DYM: variants seen among roughly 807,000 people sequenced by gnomAD.
DYM encodes dyggve-Melchior-Clausen syndrome protein.
Under a neutral mutation model 93.1 loss-of-function variants are expected in DYM, and 78 were observed. That is an observed-to-expected ratio of 0.84 (90% CI 0.70 to 1.01). The LOEUF is 1.01. Ranked by LOEUF, DYM falls within the 50% of genes least tolerant of loss-of-function variation. The pLI is 0.00. For synonymous variants in DYM, 321 were observed against 319.7 expected (o/e 1.00, Z -0.04); for missense variants, 789 against 845.0 (o/e 0.93, Z 0.82).
At position 49,274,425 on chromosome 18, in the gene DYM, T is replaced by C. The variant is rs187794374; in HGVS notation, c.1126-2122A>G. 3.4e-4 allele frequency among the ~76,000 whole-genome samples: 52 copies of C among 152,286 alleles called. 1 individual carries two copies. The highest frequency in any genetic ancestry group is 1.2e-3 in the African/African-American group (51 of 41,572). On this transcript the variant is annotated intron_variant, in intron 10 of 17. Transcript: ENST00000675505. ...AGCATTTGAACTGTTTCCACTTTTT[T>C]GCTATTATGAACAATGCTTCTATAA... is the stretch of plus-strand genomic sequence containing the variant.
chr18:49,402,334 A>G (rs1277406713), intron 2 of DYM, among the ~76,000 whole-genome samples: 1 of 152,200 alleles, frequency 6.6e-6, no homozygotes, highest in Admixed American at 6.5e-5. Flanking sequence ...AACATTAACA[A>G]AACTCTTAGA....
intron 13 of DYM, among the ~76,000 whole-genome samples, chr18:49,241,189 A>T (rs1293193879): frequency 6.6e-6 from 1 of 152,238 alleles, no homozygotes; most frequent in African/African-American, 2.4e-5. Flanking sequence ...GACTGCACAG[A>T]AACTTTATAT....
intron 14 of DYM, among the ~76,000 whole-genome samples, chr18:49,168,886 G>A (rs918406662): frequency 1.3e-5 from 2 of 152,086 alleles, no homozygotes; most frequent in Non-Finnish European, 2.9e-5. Context: ...TCAGAAGGGG[G>A]AAAGTGTTTA....
intron 10 of DYM, among the ~76,000 whole-genome samples, chr18:49,277,809 G>A (rs2094881379): frequency 6.6e-6 from 1 of 152,214 alleles, no homozygotes; most frequent in Non-Finnish European, 1.5e-5. Context: ...GTTTGTTAAA[G>A]CAGTCAGGCC....
intron 8 of DYM, among the ~76,000 whole-genome samples, chr18:49,288,972 C>A (rs935575998): frequency 1.3e-5 from 2 of 151,980 alleles, no homozygotes; most frequent in African/African-American, 4.8e-5. Flanking sequence ...GGGAAGTATA[C>A]AACCATTCAC....
intron 14 of DYM, among the ~76,000 whole-genome samples, chr18:49,170,582 C>A (rs1348958610): frequency 6.6e-6 from 1 of 151,690 alleles, no homozygotes; most frequent in South Asian, 2.1e-4. Flanking sequence ...GAATTTCAGA[C>A]CAGCCTGACC....
At chr18:49,301,894 T>C (rs917706239) in intron 8 of DYM, among the ~76,000 whole-genome samples, 3 of 152,198 alleles carry the variant, frequency 2.0e-5, no homozygotes, top group South Asian at 4.1e-4. Flanking sequence ...AGTGCAGCCC[T>C]GCCATGCAAC....
chr18:49,191,283 C>T (rs1335275023), intron 14 of DYM, among the ~76,000 whole-genome samples: 2 of 152,118 alleles, frequency 1.3e-5, no homozygotes, highest in African/African-American at 2.4e-5. Context: ...GTAAATTATA[C>T]TCAGTTGGTA....
chr18:49,320,261 T>C (rs1050463322), intron 8 of DYM, among the ~76,000 whole-genome samples: 5 of 152,140 alleles, frequency 3.3e-5, no homozygotes, highest in Non-Finnish European at 7.3e-5. Context: ...CCTCCAACAC[T>C]TATTATGAAA....
intron 14 of DYM, among the ~76,000 whole-genome samples, chr18:49,200,562 G>C (rs1033190043): frequency 6.6e-6 from 1 of 151,502 alleles, no homozygotes; most frequent in African/African-American, 2.4e-5. Flanking sequence ...ATTCCATTGA[G>C]TTGATAGGAT....
chr18:49,109,209 T>C (rs2081168264), intron 16 of DYM, among the ~76,000 whole-genome samples: 1 of 148,434 alleles, frequency 6.7e-6, no homozygotes, highest in Non-Finnish European at 1.5e-5. Flanking sequence ...TGCATTTGAT[T>C]TAATTATTGG....
intron 15 of DYM, among the ~76,000 whole-genome samples, chr18:49,142,015 G>C (rs370959887): frequency 1.3e-3 from 195 of 150,256 alleles, no homozygotes; most frequent in African/African-American, 4.7e-3. Context: ...CACCACGCCC[G>C]GCTAATTTTT....
chr18:49,102,798 C>T (rs2080316125), intron 16 of DYM, among the ~76,000 whole-genome samples: 1 of 152,198 alleles, frequency 6.6e-6, no homozygotes. Context: ...GCCACATTTT[C>T]TTAATCCAGT....
chr18:49,203,979 C>T (rs573985087), intron 14 of DYM, among the ~76,000 whole-genome samples: 1 of 140,650 alleles, frequency 7.1e-6, no homozygotes, highest in Admixed American at 7.2e-5. Context: ...CTTCCATTTG[C>T]TTCTTTAAGC....
At chr18:49,141,720 A>C (rs1247589241) in intron 15 of DYM, among the ~76,000 whole-genome samples, 1 of 152,122 alleles carries the variant, frequency 6.6e-6, no homozygotes, top group Non-Finnish European at 1.5e-5. Context: ...CTGTTATTTT[A>C]GCTCCATTTT....
chr18:49,163,412 C>G (rs1404962491), intron 15 of DYM, among the ~76,000 whole-genome samples: 1 of 152,150 alleles, frequency 6.6e-6, no homozygotes, highest in Non-Finnish European at 1.5e-5. Context: ...GGGGCATGAT[C>G]TCAGCTCACT....
chr18:49,066,462 T>C (rs2076395592), intron 17 of DYM, among the ~76,000 whole-genome samples: 2 of 152,232 alleles, frequency 1.3e-5, no homozygotes, highest in South Asian at 4.1e-4. Context: ...TTCACGGTCA[T>C]TGCTGTATTC....
intron 10 of DYM, among the ~76,000 whole-genome samples, chr18:49,275,889 T>A (rs2094836746): frequency 6.6e-6 from 1 of 152,202 alleles, no homozygotes. Context: ...AAAATACTAT[T>A]TTTTGCATAT....
At chr18:49,396,390 T>G (rs2070092908) in intron 2 of DYM, among the ~76,000 whole-genome samples, 1 of 152,190 alleles carries the variant, frequency 6.6e-6, no homozygotes, top group African/African-American at 2.4e-5. Flanking sequence ...CAGGAGCATT[T>G]CTGATTTCAG....
Sources: gnomAD v4.1 joint callset for allele counts (sites outside exome capture counted in the v4.1 genomes callset) on GRCh38, gnomAD v4.1.1 for gene constraint, MANE v1.5 for transcripts, NCBI Gene and HGNC (gene_info 2026-07-23, HGNC 2026-07-21) for gene names.